Variants in TEX14 observed in about 807,000 individuals in gnomAD.
The protein encoded by TEX14 is inactive serine/threonine-protein kinase TEX14.
TEX14 carries 168 observed loss-of-function variants against 178.6 expected under a neutral mutation model. The observed-to-expected ratio is 0.94, with a 90% CI of 0.83 to 1.07. The LOEUF is 1.07. TEX14 is among the 50% of genes least tolerant of loss of function. The pLI is 0.00. For synonymous variants in TEX14, 626 were observed against 634.1 expected, an observed-to-expected ratio of 0.99 and a Z score of 0.19; for missense variants, 1,730 against 1,753.6, an observed-to-expected ratio of 0.99 and a Z score of 0.24.
chr17:58,596,193 A>T (rs181760690), intron 14 of TEX14, among the ~76,000 whole-genome samples: 7,178 of 150,074 alleles, frequency 0.048, 346 homozygotes, highest in African/African-American at 0.13. Flanking sequence ...TAAAAATTTA[A>T]AAAAAAAAAA....
At chr17:58,607,102 T>C (rs1418275516) in intron 10 of TEX14, among the ~76,000 whole-genome samples, 2 of 151,850 alleles carry the variant, frequency 1.3e-5, no homozygotes, top group Non-Finnish European at 2.9e-5. Flanking sequence ...ATGCTATCCT[T>C]GACAATGACA....
intron 2 of TEX14, among the ~76,000 whole-genome samples, chr17:58,641,807 C>T (rs1026881051): frequency 6.6e-6 from 1 of 152,184 alleles, no homozygotes; most frequent in African/African-American, 2.4e-5. Flanking sequence ...TGCGCCCAGC[C>T]AAGTGATAGA....
intron 1 of TEX14, among the ~76,000 whole-genome samples, chr17:58,690,470 T>C (rs573774373): frequency 9.1e-4 from 138 of 152,294 alleles, no homozygotes; most frequent in African/African-American, 3.2e-3. Flanking sequence ...CAGGCCAAAG[T>C]AGTTTTGAAC....
chr17:58,608,101 G>A (rs1028422408), intron 10 of TEX14, among the ~76,000 whole-genome samples: 2 of 151,330 alleles, frequency 1.3e-5, no homozygotes, highest in Non-Finnish European at 3.0e-5. Context: ...TGGGCAACAT[G>A]GCGTGACCTT....
rs374317729 is a variant in TEX14, at chr17:58,605,095, C to T, written c.1219G>A (p.Val407Met). ...TTGTATAGCTGCGTAGGAAGGGGCACTCGAGTCAGGTCCCTCTGTACACCT... is the reference window on the plus strand; with the variant it reads ...TTGTATAGCTGCGTAGGAAGGGGCATTCGAGTCAGGTCCCTCTGTACACCT... ...DRGVQRDLTR[V>M]PLPTQLYNWA... Residue 407 changes from valine to methionine, a missense_variant, in exon 11 of 32, where the codon GTG (valine) becomes ATG (methionine). By Grantham distance (21) the Val-to-Met change is conservative. Transcript: ENST00000349033. 107 of 1,614,062 alleles carry T rather than the reference C, an allele frequency of 6.6e-5. No homozygotes were observed. Among genetic ancestry groups the T allele is most frequent in the Non-Finnish European group, 7.6e-6 (9 of 1,180,030 alleles).
intron 1 of TEX14, 81 bp from the exon 2 acceptor site, chr17:58,652,083 A>C: frequency 8.7e-7 from 1 of 1,143,898 alleles, no homozygotes; most frequent in Non-Finnish European, 1.2e-6. Context: ...ACATTTAGAA[A>C]CCTGTCCAGC....
intron 10 of TEX14, among the ~76,000 whole-genome samples, chr17:58,606,873 C>T (rs1349915932): frequency 6.6e-6 from 1 of 151,558 alleles, no homozygotes; most frequent in Non-Finnish European, 1.5e-5. Context: ...ACTAAAAACA[C>T]AAAAATTAGC....
chr17:58,646,702 C>G (rs1421366552), intron 2 of TEX14, among the ~76,000 whole-genome samples: 1 of 152,058 alleles, frequency 6.6e-6, no homozygotes, highest in African/African-American at 2.4e-5. Context: ...TCTTGATTAC[C>G]CCATAGACAA....
At chr17:58,574,675 C>CAA (rs1177255314) in intron 21 of TEX14, among the ~76,000 whole-genome samples, 17,486 of 43,808 alleles carry the variant, frequency 0.4, 5,614 homozygotes, top group Admixed American at 0.5. Context: ...ACTCCATCTC[C>CAA]AAAAAAAAAA....
At chr17:58,558,508 A>G (rs1598335893) in intron 30 of TEX14, among the ~76,000 whole-genome samples, 1 of 152,148 alleles carries the variant, frequency 6.6e-6, no homozygotes, top group East Asian at 1.9e-4. Flanking sequence ...GGGGCCTGTC[A>G]TTGGCAAACA....
chr17:58,591,256 G>A (rs7211467), intron 15 of TEX14, among the ~76,000 whole-genome samples: 28,139 of 152,140 alleles, frequency 0.18, 2,774 homozygotes, highest in Non-Finnish European at 0.21. Context: ...GGTGGCTCAC[G>A]CCTGTAATCC....
At chr17:58,656,925 C>CAAAAA (rs60626361) in intron 1 of TEX14, among the ~76,000 whole-genome samples, 59 of 79,452 alleles carry the variant, frequency 7.4e-4, no homozygotes, top group African/African-American at 1.1e-3. Flanking sequence ...TCCCATCTCA[C>CAAAAA]AAAAAAAAAA....
chr17:58,655,360 T>A (rs2143292098), intron 1 of TEX14, among the ~76,000 whole-genome samples: 1 of 152,090 alleles, frequency 6.6e-6, no homozygotes, highest in Admixed American at 6.6e-5. Context: ...ATTTTTGCAT[T>A]TTTAGTAAAG....
rs1004255441 is a variant in TEX14, at chr17:58,565,779, T to C, written c.3932A>G (p.Asn1311Ser). ...QQGSSTVLHE[N>S]TASDGGGTAN... The stretch of plus-strand genomic sequence containing the variant: ...AGTGCCTCCTCCATCACTTGCTGTG[T>C]TCTCATGCAACACCGTGGATGAGCC... The change falls in exon 27 of 32, where the codon AAC (asparagine) becomes AGC (serine). Residue 1311 changes from asparagine (N) to serine (S), a missense_variant. Asn to Ser is a conservative substitution (Grantham distance 46). Transcript: ENST00000349033. The C allele has an allele frequency of 1.9e-6, 3 of 1,610,574 alleles. No homozygotes were observed. Among genetic ancestry groups the C allele is most frequent in the Non-Finnish European group, 1.7e-6 (2 of 1,178,572 alleles).
chr17:58,573,895 AATATTC>A lies in TEX14; in HGVS notation c.3383+286_3383+291del, dbSNP rs535581415. Among the ~76,000 whole-genome samples, 36 of 152,310 alleles carry A rather than the reference AATATTC, an allele frequency of 2.4e-4. No individual in the cohort carries two copies. In the South Asian group the frequency reaches 7.3e-3, roughly 31 times the overall value. ...AAAAATAAACTATTTCCATAGATGAAATATTCCATATTTCCAGGATATTTACGTGGA... is the reference window on the plus strand; with the variant it reads ...AAAAATAAACTATTTCCATAGATGAACATATTTCCAGGATATTTACGTGGA... On this transcript the variant is annotated intron_variant, in intron 22 of 31. Coordinates refer to ENST00000349033, the MANE Select transcript of TEX14 (RefSeq NM_031272.5).
intron 11 of TEX14, among the ~76,000 whole-genome samples, chr17:58,604,406 G>A (rs1407446228): frequency 6.6e-6 from 1 of 150,892 alleles, no homozygotes; most frequent in Non-Finnish European, 1.5e-5. Flanking sequence ...GGGAGGCAGA[G>A]GTTGCAGTAA....
In TEX14 at chr17:58,622,935, T is replaced by C. The variant is rs773653857; in HGVS notation, c.329A>G (p.Asp110Gly). The C allele has an allele frequency of 1.2e-6, 2 of 1,613,078 alleles. No individual in the cohort carries two copies. Among genetic ancestry groups the C allele is most frequent in the South Asian group, 2.2e-5 (2 of 91,062 alleles). The change falls in exon 4 of 32, where the codon GAT (aspartate) becomes GGT (glycine). Residue 110 changes from aspartate (D) to glycine (G), a missense_variant. This residue lies in a region of TEX14 where 789 missense variants were observed against 681.2 expected (regional missense o/e 1.16). Coordinates refer to ENST00000349033, the MANE Select transcript of TEX14 (RefSeq NM_031272.5). ...GNQWILSKLL[D>G]AGGDLRLHDE... is the part of the protein sequence containing the mutation. ...GTGGAGTCGCAGGTCACCTCCTGCA[T>C]CCAGCAGTTTGCTAAGGATCCACTG...
intron 30 of TEX14, 59 bp downstream of exon 30, chr17:58,559,394 T>G (rs1297573634): frequency 4.5e-5 from 33 of 732,750 alleles, no homozygotes; most frequent in Non-Finnish European, 6.8e-5. Flanking sequence ...TAAATAACTT[T>G]GAAGCACATC....
rs1203593672 is a variant in TEX14, at chr17:58,561,255, G to T, written c.4157+265C>A. Among the ~76,000 whole-genome samples, 5 of 152,310 alleles carry T rather than the reference G, an allele frequency of 3.3e-5. No individual in the cohort carries two copies. In the South Asian group the frequency reaches 8.3e-4, roughly 25 times the overall value. ...CTTTTCTGATTTAATTCACATGACT[G>T]ATGAAAATGTCAAAGGTAGCAGGGC... On this transcript the variant is annotated intron_variant, in intron 29 of 31. Coordinates refer to ENST00000349033, the MANE Select transcript of TEX14 (RefSeq NM_031272.5).
Sources: allele counts gnomAD v4.1 joint callset (sites outside exome capture counted in the v4.1 genomes callset), GRCh38; gene constraint gnomAD v4.1.1; regional missense constraint gnomAD v4.1.1; transcripts MANE v1.5; gene names NCBI Gene and HGNC (gene_info 2026-07-23, HGNC 2026-07-21).